The following ZBTB16 variants were observed in gnomAD, a reference collection of about 807,000 sequenced individuals.
The protein encoded by ZBTB16 is zinc finger and BTB domain containing 16.
In ZBTB16, 8 loss-of-function variants were observed where a neutral mutation model predicts 56.8. The ratio of observed to expected loss-of-function variants is 0.14; its 90% CI spans 0.08 to 0.25. ZBTB16 has a LOEUF of 0.25. Among genes scored for constraint, ZBTB16 ranks in the 10% least tolerant of loss-of-function variants. The pLI is 1.00. For missense variants in ZBTB16, 625 were observed against 903.0 expected, an observed-to-expected ratio of 0.69 and a Z score of 3.95; for synonymous variants, 363 against 368.5, an observed-to-expected ratio of 0.98 and a Z score of 0.17.
At chr11:114,240,562 T>C (rs1944681768) in intron 4 of ZBTB16, among the ~76,000 whole-genome samples, 1 of 150,922 alleles carries the variant, frequency 6.6e-6, no homozygotes, top group Non-Finnish European at 1.5e-5. Flanking sequence ...GCAGGTGATA[T>C]TGCCCAGGCA....
In ZBTB16 at chr11:114,063,236, A is replaced by T; in HGVS notation, c.-65A>T. 1.3e-6 allele frequency: 2 copies of T among 1,585,872 alleles called. No homozygotes were observed. Among genetic ancestry groups the T allele is most frequent in the Non-Finnish European group, 1.7e-6 (2 of 1,167,392 alleles). On this transcript the variant is annotated 5_prime_UTR_variant, in exon 2 of 7. Coordinates refer to ENST00000335953, the MANE Select transcript of ZBTB16 (RefSeq NM_006006.6). The surrounding 1 kb of genome is among the most constrained non-coding windows in gnomAD (Gnocchi z 6.5). The stretch of plus-strand genomic sequence containing the variant: ...CCTCCTCTATTGGCCCAGGAAGCCC[A>T]CCCAGCCCCGCCACGCAGAGCCCAG...
intron 2 of ZBTB16, among the ~76,000 whole-genome samples, chr11:114,111,123 C>T (rs542698433): frequency 1.3e-5 from 2 of 150,752 alleles, no homozygotes; most frequent in East Asian, 3.9e-4. Context: ...TTCTTGGGGA[C>T]GTGATGTACT....
At chr11:114,184,145 A>C (rs1437637552) in intron 3 of ZBTB16, among the ~76,000 whole-genome samples, 1 of 152,232 alleles carries the variant, frequency 6.6e-6, no homozygotes, top group Non-Finnish European at 1.5e-5. Flanking sequence ...CAGTCGACTC[A>C]CATTTATTGA....
chr11:114,240,784 TG>T (rs1944686520), intron 4 of ZBTB16, among the ~76,000 whole-genome samples: 1 of 152,162 alleles, frequency 6.6e-6, no homozygotes, highest in South Asian at 2.1e-4. Flanking sequence ...CCTGTATGTG[TG>T]GGGTACTTTG....
At chr11:114,152,434 T>A (rs1425186080) in intron 2 of ZBTB16, among the ~76,000 whole-genome samples, 1 of 152,268 alleles carries the variant, frequency 6.6e-6, no homozygotes, top group Admixed American at 6.5e-5. Context: ...TTCAGATTTG[T>A]TTAGCTTGAA....
chr11:114,164,291 T>G (rs1435704417), intron 3 of ZBTB16, among the ~76,000 whole-genome samples: 2 of 152,214 alleles, frequency 1.3e-5, no homozygotes, highest in Admixed American at 6.5e-5. Context: ...ATGATTTTTC[T>G]ATCTCAGCAT....
intron 2 of ZBTB16, among the ~76,000 whole-genome samples, chr11:114,151,771 C>T (rs901930186): frequency 6.6e-6 from 1 of 152,192 alleles, no homozygotes; most frequent in Non-Finnish European, 1.5e-5. Flanking sequence ...AGCCTTCCCC[C>T]CTTGGTCCCT....
At chr11:114,207,834 G>A (rs1188876878) in intron 4 of ZBTB16, among the ~76,000 whole-genome samples, 3 of 152,086 alleles carry the variant, frequency 2.0e-5, no homozygotes, top group African/African-American at 2.4e-5. Flanking sequence ...GGCTGGTCTC[G>A]AACTCCTGAC....
At chr11:114,095,917 T>A (rs766042774) in intron 2 of ZBTB16, among the ~76,000 whole-genome samples, 1 of 152,156 alleles carries the variant, frequency 6.6e-6, no homozygotes, top group Non-Finnish European at 1.5e-5. Flanking sequence ...ATGTTTCAAG[T>A]GTATTCTCTC....
intron 2 of ZBTB16, among the ~76,000 whole-genome samples, chr11:114,150,281 C>T (rs755403719): frequency 6.6e-6 from 1 of 152,054 alleles, no homozygotes; most frequent in African/African-American, 2.4e-5. Flanking sequence ...GGGTAGAGGC[C>T]GCTAGTAGAA....
At chr11:114,188,522 A>G (rs1943417269) in intron 4 of ZBTB16, 1 of 152,230 alleles carries the variant, frequency 6.6e-6, no homozygotes, top group Admixed American at 6.5e-5. Context: ...GTGGGGATGA[A>G]ATAAGGTATT....
chr11:114,204,692 C>A (rs905061531), intron 4 of ZBTB16, among the ~76,000 whole-genome samples: 2 of 152,232 alleles, frequency 1.3e-5, no homozygotes, highest in South Asian at 4.1e-4. Context: ...AGATGCAGCT[C>A]ATTACCACCT....
intron 2 of ZBTB16, among the ~76,000 whole-genome samples, chr11:114,135,347 A>G (rs1475828139): frequency 6.6e-6 from 1 of 152,222 alleles, no homozygotes; most frequent in Non-Finnish European, 1.5e-5. Flanking sequence ...TCTGTAACCC[A>G]TGAGTATGTT....
chr11:114,152,196 T>C (rs1259674498), intron 2 of ZBTB16, among the ~76,000 whole-genome samples: 3 of 152,214 alleles, frequency 2.0e-5, no homozygotes, highest in Non-Finnish European at 4.4e-5. Context: ...ATCAATCCCT[T>C]TTGAACGAGG....
intron 2 of ZBTB16, among the ~76,000 whole-genome samples, chr11:114,076,182 G>A (rs1845331900): frequency 6.6e-6 from 1 of 152,190 alleles, no homozygotes; most frequent in South Asian, 2.1e-4. Context: ...GCCTCCTCAG[G>A]AACTTTAAAA....
chr11:114,195,417 G>A (rs992824209), intron 4 of ZBTB16, among the ~76,000 whole-genome samples: 1 of 152,166 alleles, frequency 6.6e-6, no homozygotes, highest in Non-Finnish European at 1.5e-5. Context: ...GACTGAGGGA[G>A]TCAGGGAGCA....
chr11:114,226,451 C>T (rs967650393), intron 4 of ZBTB16, among the ~76,000 whole-genome samples: 6 of 152,292 alleles, frequency 3.9e-5, no homozygotes, highest in East Asian at 3.9e-4. Context: ...CAGCATCAAC[C>T]CCAGGCTCCA....
chr11:114,141,718 C>T lies in ZBTB16; in HGVS notation c.1269-14619C>T, dbSNP rs546102683. 5.6e-4 allele frequency among the ~76,000 whole-genome samples: 86 copies of T among 152,266 alleles called. 2 individuals carry two copies. The highest frequency in any genetic ancestry group is 6.8e-3 in the Middle Eastern group (2 of 294). On this transcript the variant is annotated intron_variant, in intron 2 of 6. Transcript: ENST00000335953. ...TGTCAGCCTAAGTTCTTAAACTTCCCGTTCTACTAACTAGTGGTATCAGGC... is the reference window on the plus strand; with the variant it reads ...TGTCAGCCTAAGTTCTTAAACTTCCTGTTCTACTAACTAGTGGTATCAGGC...
At chr11:114,242,797 C>T (rs1216744478) in intron 5 of ZBTB16, among the ~76,000 whole-genome samples, 1 of 152,222 alleles carries the variant, frequency 6.6e-6, no homozygotes, top group Non-Finnish European at 1.5e-5. Context: ...CTGAAGTCAG[C>T]TTCGGGCTTC....
Sources: allele counts gnomAD v4.1 joint callset (sites outside exome capture counted in the v4.1 genomes callset), GRCh38; gene constraint gnomAD v4.1.1; non-coding constraint Gnocchi (gnomAD v3.1); transcripts MANE v1.5; gene names NCBI Gene and HGNC (gene_info 2026-07-23, HGNC 2026-07-21).